Variants in CPNE8 observed in about 807,000 individuals in gnomAD.
CPNE8 encodes copine-8.
In CPNE8, 45 loss-of-function variants were observed where a neutral mutation model predicts 81.5. The observed-to-expected ratio is 0.55, with a 90% CI of 0.44 to 0.71. CPNE8 has a LOEUF of 0.71. Among genes scored for constraint, CPNE8 ranks in the 30% least tolerant of loss-of-function variants. CPNE8 has a pLI of 0.00. For synonymous variants in CPNE8, 252 were observed against 226.3 expected, an observed-to-expected ratio of 1.11 and a Z score of -1.02; for missense variants, 594 against 672.1, an observed-to-expected ratio of 0.88 and a Z score of 1.28.
chr12:38,792,374 T>C (rs1347931663), intron 6 of CPNE8, among the ~76,000 whole-genome samples: 1 of 148,472 alleles, frequency 6.7e-6, no homozygotes, highest in African/African-American at 2.5e-5. Context: ...AAAACTCAAA[T>C]AACAAAATCA....
chr12:38,719,688 T>C (rs1379789818), intron 13 of CPNE8, among the ~76,000 whole-genome samples: 2 of 151,926 alleles, frequency 1.3e-5, no homozygotes, highest in Non-Finnish European at 2.9e-5. Flanking sequence ...AATACAATGA[T>C]TATTATTGCT....
chr12:38,786,843 C>G (rs1439480974), intron 6 of CPNE8, among the ~76,000 whole-genome samples: 2 of 152,040 alleles, frequency 1.3e-5, no homozygotes, highest in Non-Finnish European at 2.9e-5. Context: ...ATACATAAAA[C>G]AAATATTATC....
intron 5 of CPNE8, among the ~76,000 whole-genome samples, chr12:38,838,062 T>C (rs180701978): frequency 6.6e-6 from 1 of 152,148 alleles, no homozygotes; most frequent in South Asian, 2.1e-4. Flanking sequence ...CTCTGCCCTG[T>C]ACTTAAGGCA....
chr12:38,655,889 CAG>C (rs1938804588), intron 19 of CPNE8, among the ~76,000 whole-genome samples: 1 of 151,082 alleles, frequency 6.6e-6, no homozygotes, highest in East Asian at 1.9e-4. Flanking sequence ...GAGGGAAACT[CAG>C]AGCAGTTTTT....
At chr12:38,874,337 G>A in intron 2 of CPNE8, 134 bp downstream of exon 2, 2 of 641,130 alleles carry the variant, frequency 3.1e-6, no homozygotes, top group Non-Finnish European at 5.7e-6. Context: ...CGGGGTTGAT[G>A]AGTATGTAGG....
chr12:38,686,935 T>C (rs1592009740), intron 15 of CPNE8, among the ~76,000 whole-genome samples: 1 of 152,180 alleles, frequency 6.6e-6, no homozygotes, highest in Non-Finnish European at 1.5e-5. Context: ...TTTCTAGAAA[T>C]GAGTTACTAA....
At chr12:38,764,021 T>G (rs968301298) in intron 8 of CPNE8, among the ~76,000 whole-genome samples, 1 of 152,178 alleles carries the variant, frequency 6.6e-6, no homozygotes, top group African/African-American at 2.4e-5. Context: ...ACGGCATCCG[T>G]GCCTTCTCCT....
At chr12:38,692,614 G>C (rs1463734391) in intron 15 of CPNE8, among the ~76,000 whole-genome samples, 1 of 152,056 alleles carries the variant, frequency 6.6e-6, no homozygotes, top group Non-Finnish European at 1.5e-5. Context: ...TGAACACAGA[G>C]GCAGGAAAGG....
chr12:38,798,652 A>T (rs1392759369), intron 6 of CPNE8, among the ~76,000 whole-genome samples: 2 of 152,112 alleles, frequency 1.3e-5, no homozygotes, highest in Non-Finnish European at 2.9e-5. Flanking sequence ...AACGAGCAAA[A>T]TAACGAGCTA....
rs191482810 is a variant in CPNE8 at position 38,725,100 on chromosome 12, G to A, written c.799-201C>T. ...TTAATAGTGACTATCTTTTAAAAAT[G>A]TTTTGTCTGTAATATTCTTCTCACC... On this transcript the variant is annotated intron_variant, in intron 11 of 19. Transcript: ENST00000331366. 1.5e-3 allele frequency among the ~76,000 whole-genome samples: 222 copies of A among 152,240 alleles called. 1 individual carries two copies. The highest frequency in any genetic ancestry group is 5.1e-3 in the African/African-American group (210 of 41,556).
At chr12:38,813,702 A>T (rs1343820561) in intron 6 of CPNE8, among the ~76,000 whole-genome samples, 5 of 152,230 alleles carry the variant, frequency 3.3e-5, no homozygotes, top group Admixed American at 3.3e-4. Flanking sequence ...TCACAGACAC[A>T]TTTGAGACTC....
In CPNE8 at chr12:38,902,425, G is replaced by GAAAGAAAGAAAGAAAGAA. The variant is rs1565670482; in HGVS notation, c.98+3011_98+3012insTTCTTTCTTTCTTTCTTT. On this transcript the variant is annotated intron_variant, in intron 1 of 19. Transcript: ENST00000331366. ...AAAGAAAGAAAGAAAGAAAAAGAAA[G>GAAAGAAAGAAAGAAAGAA]AAAGAAAGAAAGGAGAGAGAGAAAG... Among the ~76,000 whole-genome samples the GAAAGAAAGAAAGAAAGAA allele has an allele frequency of 1.7e-4, 22 of 133,264 alleles. 2 individuals are homozygous for GAAAGAAAGAAAGAAAGAA. The highest frequency in any genetic ancestry group is 8.3e-4 in the African/African-American group (21 of 25,330). 87.4% of individuals were successfully genotyped at this position (133,264 alleles called of 152,430 possible).
intron 3 of CPNE8, among the ~76,000 whole-genome samples, chr12:38,866,884 AGTATCGCTCT>A (rs1426478402): frequency 6.6e-6 from 1 of 152,084 alleles, no homozygotes; most frequent in Non-Finnish European, 1.5e-5. Flanking sequence ...TTTTAAACAA[AGTATCGCTCT>A]GTCACCCAGG....
chr12:38,816,838 C>T (rs973554945), intron 6 of CPNE8, among the ~76,000 whole-genome samples: 2 of 152,126 alleles, frequency 1.3e-5, no homozygotes, highest in Admixed American at 6.5e-5. Context: ...TCTATCTCCA[C>T]AATTACTGGG....
intron 13 of CPNE8, 47 bp downstream of exon 13, chr12:38,723,725 T>G (rs767929359): frequency 8.2e-7 from 1 of 1,216,058 alleles, no homozygotes; most frequent in Admixed American, 1.8e-5. Flanking sequence ...GTTACACAAA[T>G]TTTAGGAAAT....
In CPNE8 at chr12:38,738,596, G is replaced by A. The variant is rs954978952; in HGVS notation, c.723-8238C>T. On this transcript the variant is annotated intron_variant, in intron 10 of 19. Transcript: ENST00000331366. ...TTAGTGACATTTTGAATTTAAAGCT[G>A]ACAGTGTACTGTAATCCTTGACATC... Among the ~76,000 whole-genome samples the A allele has an allele frequency of 2.0e-5, 3 of 152,092 alleles. No homozygotes were observed. In the South Asian group the frequency reaches 6.2e-4, roughly 32 times the overall value.
At chr12:38,680,358 G>T (rs1182481720) in intron 16 of CPNE8, among the ~76,000 whole-genome samples, 1 of 151,900 alleles carries the variant, frequency 6.6e-6, no homozygotes, top group Admixed American at 6.6e-5. Context: ...AATGAATAAA[G>T]GAATACATTA....
At chr12:38,676,218 G>A (rs1332824640) in intron 17 of CPNE8, 11 of 695,580 alleles carry the variant, frequency 1.6e-5, no homozygotes, top group Non-Finnish European at 1.8e-6. Context: ...AATAATTTGT[G>A]AGCATATTCA....
intron 2 of CPNE8, among the ~76,000 whole-genome samples, chr12:38,873,503 G>C (rs1158482859): frequency 6.6e-6 from 1 of 152,116 alleles, no homozygotes; most frequent in Non-Finnish European, 1.5e-5. Context: ...TTATAAATAG[G>C]TAAGAAATCC....
Sources: allele counts gnomAD v4.1 joint callset (sites outside exome capture counted in the v4.1 genomes callset), GRCh38; gene constraint gnomAD v4.1.1; transcripts MANE v1.5; gene names NCBI Gene and HGNC (gene_info 2026-07-23, HGNC 2026-07-21).